Variants in CASQ2 observed in about 807,000 individuals in gnomAD.
CASQ2 encodes calsequestrin-2.
Under a neutral mutation model 46.5 loss-of-function variants are expected in CASQ2, and 49 were observed. The observed-to-expected ratio is 1.05, with a 90% CI of 0.84 to 1.34. The LOEUF (loss-of-function observed/expected upper bound fraction) is 1.34. CASQ2 is among the 40% of genes most tolerant of loss of function. CASQ2 has a pLI of 0.00. For synonymous variants in CASQ2, 174 were observed against 168.5 expected (o/e 1.03, Z -0.25); for missense variants, 486 against 481.3 (o/e 1.01, Z -0.09).
intron 1 of CASQ2, among the ~76,000 whole-genome samples, chr1:115,761,688 G>C (rs919037344): frequency 6.6e-6 from 1 of 151,530 alleles, no homozygotes; most frequent in Non-Finnish European, 1.5e-5. Context: ...CAGTCTGTTA[G>C]GGGCTCTGGC....
At chr1:115,759,494 C>A (rs1186544405) in intron 1 of CASQ2, among the ~76,000 whole-genome samples, 2 of 152,176 alleles carry the variant, frequency 1.3e-5, no homozygotes, top group Admixed American at 1.3e-4. Flanking sequence ...TGAAGCAGCA[C>A]GAGGCCTTCA....
intron 1 of CASQ2, among the ~76,000 whole-genome samples, chr1:115,753,748 A>G (rs958680659): frequency 1.3e-5 from 2 of 152,316 alleles, no homozygotes; most frequent in South Asian, 2.1e-4. Context: ...ACCATTTCCC[A>G]AGAACTGTCT....
At chr1:115,753,036 G>T (rs143560424) in intron 1 of CASQ2, among the ~76,000 whole-genome samples, 88 of 152,276 alleles carry the variant, frequency 5.8e-4, no homozygotes, top group African/African-American at 2.0e-3. Context: ...TAGTTTGAGG[G>T]TCTCCCATGA....
At chr1:115,744,756 C>T (rs1041154330) in intron 2 of CASQ2, 72 bp downstream of exon 2, 1 of 955,518 alleles carries the variant, frequency 1.0e-6, no homozygotes. Flanking sequence ...AGAATAATTG[C>T]AACTGTACTT....
chr1:115,739,405 A>G lies in CASQ2; in HGVS notation c.421-1070T>C, dbSNP rs376644368. Among the ~76,000 whole-genome samples the G allele has an allele frequency of 1.0e-3, 153 of 151,958 alleles. No individual in the cohort carries two copies. The Middle Eastern group carries it at 0.017, about 17-fold the overall frequency. On this transcript the variant is annotated intron_variant, in intron 3 of 10. Transcript: ENST00000261448. Reference sequence around the variant, plus strand: ...GCTGGGATTACAGGCATGAGCCACCACGCTCCGCCATGTACCACATTTTTT... The same window carrying G: ...GCTGGGATTACAGGCATGAGCCACCGCGCTCCGCCATGTACCACATTTTTT...
In CASQ2 at chr1:115,701,295, A is replaced by G. The variant is rs1395773157; in HGVS notation, c.1146T>C (p.Asp382=). The G allele has an allele frequency of 2.5e-6, 4 of 1,594,950 alleles. No homozygotes were observed. In the South Asian group the frequency reaches 3.3e-5, roughly 13 times the overall value. Residue 382 remains aspartate, a synonymous_variant, in exon 11 of 11, where the codon GAT becomes GAC. Coordinates refer to ENST00000261448, the MANE Select transcript of CASQ2 (RefSeq NM_001232.4). The part of the protein sequence containing the change: ...TEDDDEDDDD[D]DNSDEEDNDD... ...CATTATCCTCTTCATCAGAATTATCATCATCATCATCATCTTCATCATCAT... is the reference window on the plus strand; with the variant it reads ...CATTATCCTCTTCATCAGAATTATCGTCATCATCATCATCTTCATCATCAT...
chr1:115,764,975 C>T (rs890756733), intron 1 of CASQ2, among the ~76,000 whole-genome samples: 3 of 152,294 alleles, frequency 2.0e-5, no homozygotes, highest in Admixed American at 6.5e-5. Flanking sequence ...AAATGAGGCC[C>T]TCTTGGCCAA....
At chr1:115,720,839 T>G (rs1252970491) in intron 7 of CASQ2, among the ~76,000 whole-genome samples, 1 of 152,210 alleles carries the variant, frequency 6.6e-6, no homozygotes, top group Non-Finnish European at 1.5e-5. Flanking sequence ...ATAACCTCAT[T>G]GTTTAGCACA....
rs558386506 is a variant in CASQ2, at chr1:115,763,791, A to G, written c.234+4517T>C. ...CTGAGGGAAATGGTGACATTTCTCA[A>G]CTCAGGTTGAGAAATGAAGGACTTT... On this transcript the variant is annotated intron_variant, in intron 1 of 10. Coordinates refer to ENST00000261448, the MANE Select transcript of CASQ2 (RefSeq NM_001232.4). 5.3e-5 allele frequency among the ~76,000 whole-genome samples: 8 copies of G among 152,302 alleles called. No homozygotes were observed. In the South Asian group the frequency reaches 1.7e-3, roughly 32 times the overall value.
intron 1 of CASQ2, among the ~76,000 whole-genome samples, chr1:115,765,615 G>GTAA (rs1649109546): frequency 6.6e-6 from 1 of 152,114 alleles, no homozygotes; most frequent in South Asian, 2.1e-4. Flanking sequence ...AATTCCCCAA[G>GTAA]TAATAATAAT....
chr1:115,717,961 A>G (rs1014864396), intron 7 of CASQ2, 67 bp from the exon 8 acceptor site: 1 of 1,078,858 alleles, frequency 9.3e-7, no homozygotes, highest in African/African-American at 1.5e-5. Flanking sequence ...AGCCAGGGAC[A>G]GGGACTCAGA....
At chr1:115,726,450 A>G (rs1213598485) in intron 6 of CASQ2, among the ~76,000 whole-genome samples, 1 of 152,206 alleles carries the variant, frequency 6.6e-6, no homozygotes, top group African/African-American at 2.4e-5. Flanking sequence ...AACCTGAAAT[A>G]TTTACCATTT....
At chr1:115,722,965 A>G (rs940791534) in intron 7 of CASQ2, among the ~76,000 whole-genome samples, 2 of 152,040 alleles carry the variant, frequency 1.3e-5, no homozygotes, top group Non-Finnish European at 1.5e-5. Context: ...GGAGAATCAC[A>G]TGAACCTGGG....
At chr1:115,730,609 T>A (rs1047839859) in intron 5 of CASQ2, among the ~76,000 whole-genome samples, 1 of 152,206 alleles carries the variant, frequency 6.6e-6, no homozygotes, top group Non-Finnish European at 1.5e-5. Context: ...CCTCAATAGA[T>A]TCTTCTTCCT....
intron 1 of CASQ2, among the ~76,000 whole-genome samples, chr1:115,745,569 T>C (rs1220954087): frequency 6.6e-6 from 1 of 151,986 alleles, no homozygotes; most frequent in Non-Finnish European, 1.5e-5. Flanking sequence ...GCATAGATGA[T>C]GACATCAAGC....
chr1:115,736,464 C>T (rs1647965845), intron 4 of CASQ2, among the ~76,000 whole-genome samples: 1 of 151,824 alleles, frequency 6.6e-6, no homozygotes, highest in South Asian at 2.1e-4. Flanking sequence ...TGGTGAAACC[C>T]CGTCTCTACT....
At chr1:115,717,705 C>T (rs1362755660) in intron 8 of CASQ2, 135 bp downstream of exon 8, 23 of 771,854 alleles carry the variant, frequency 3.0e-5, no homozygotes, top group Middle Eastern at 2.6e-4. Context: ...ACTTAATGGG[C>T]GACCACCAGG....
At position 115,701,986 on chromosome 1, in the gene CASQ2, G is replaced by A. The variant is rs1247108796; in HGVS notation, c.1015-560C>T. On this transcript the variant is annotated intron_variant, in intron 10 of 10. Coordinates refer to ENST00000261448, the MANE Select transcript of CASQ2 (RefSeq NM_001232.4). ...TGCCCAGGCTGGAGTGCAATGGCAT[G>A]GTCTTGGCTCACTGCAACCTCCGCC... Among the ~76,000 whole-genome samples the A allele has an allele frequency of 2.6e-5, 4 of 151,318 alleles. No individual in the cohort carries two copies. In the East Asian group the frequency reaches 5.9e-4, roughly 22 times the overall value.
intron 8 of CASQ2, among the ~76,000 whole-genome samples, chr1:115,710,838 G>A (rs1243005792): frequency 6.6e-6 from 1 of 152,210 alleles, no homozygotes; most frequent in Non-Finnish European, 1.5e-5. Flanking sequence ...GATGCACGTT[G>A]AACCAGGAGG....
Sources: allele counts gnomAD v4.1 joint callset (sites outside exome capture counted in the v4.1 genomes callset), GRCh38; gene constraint gnomAD v4.1.1; transcripts MANE v1.5; gene names NCBI Gene and HGNC (gene_info 2026-07-23, HGNC 2026-07-21).